The following ZNF140 variants were observed in gnomAD, a reference collection of about 807,000 sequenced individuals.
ZNF140 encodes zinc finger protein 140.
In ZNF140, 13 loss-of-function variants were observed where a neutral mutation model predicts 12.9. That is an observed-to-expected ratio of 1.01 (90% CI 0.66 to 1.60). The LOEUF (loss-of-function observed/expected upper bound fraction) is 1.60. Ranked by LOEUF, ZNF140 falls within the 40% of genes most tolerant of loss-of-function variation. ZNF140 has a pLI of 0.00. For synonymous variants in ZNF140, 214 were observed against 186.7 expected, an observed-to-expected ratio of 1.15 and a Z score of -1.19; for missense variants, 531 against 548.8, an observed-to-expected ratio of 0.97 and a Z score of 0.32.
intron 4 of ZNF140, among the ~76,000 whole-genome samples, chr12:133,088,842 G>A (rs891609732): frequency 6.6e-6 from 1 of 152,184 alleles, no homozygotes; most frequent in African/African-American, 2.4e-5. Flanking sequence ...GCCTGTTGAT[G>A]TGATGGATTA....
In ZNF140 at chr12:133,106,907, A is replaced by G. The variant is rs1369704330; in HGVS notation, c.*256A>G. On this transcript the variant is annotated 3_prime_UTR_variant, in exon 5 of 5. Transcript: ENST00000355557. ...GTTGAGAAGATTCTTCCATCTGGTA[A>G]TGTTGAGAAGACTTCATTTGGTAGG... is the stretch of plus-strand genomic sequence containing the variant. 3.3e-6 allele frequency: 1 copy of G among 304,340 alleles called. No individual in the cohort carries two copies. The highest frequency in any genetic ancestry group is 2.2e-5 in the African/African-American group (1 of 45,746). The allele number at this position is 304,340 out of a possible 1,614,324, so 18.9% of individuals were successfully genotyped here.
chr12:133,098,285 G>A (rs1201650216), intron 4 of ZNF140, among the ~76,000 whole-genome samples: 9 of 152,238 alleles, frequency 5.9e-5, no homozygotes, highest in African/African-American at 2.2e-4. Flanking sequence ...CACCCAGGCT[G>A]GAATGCAGTG....
intron 2 of ZNF140, 43 bp downstream of exon 2, chr12:133,081,372 A>ATAT (rs1954490088): frequency 4.7e-4 from 51 of 108,492 alleles, no homozygotes; most frequent in East Asian, 1.1e-3. Flanking sequence ...TATATATATA[A>ATAT]ATTTTTATTT....
intron 4 of ZNF140, among the ~76,000 whole-genome samples, chr12:133,094,506 A>G (rs1237902495): frequency 6.6e-6 from 1 of 151,250 alleles, no homozygotes; most frequent in East Asian, 1.9e-4. Context: ...ATCAGTTAGC[A>G]TGCACCATCT....
chr12:133,093,001 G>A (rs899330277), intron 4 of ZNF140, among the ~76,000 whole-genome samples: 7 of 150,974 alleles, frequency 4.6e-5, no homozygotes, highest in African/African-American at 9.8e-5. Context: ...TTTGTGACCC[G>A]ATTGACATTC....
At chr12:133,087,926 T>C (rs1364204014) in intron 4 of ZNF140, among the ~76,000 whole-genome samples, 2 of 151,472 alleles carry the variant, frequency 1.3e-5, no homozygotes, top group Non-Finnish European at 2.9e-5. Context: ...AGGTCAGGAG[T>C]TCAAGACCAG....
rs750446685 is a variant in ZNF140, at chr12:133,106,404, C to G, written c.1127C>G (p.Thr376Arg). ...TGGCATGCATCCCTTATTCAACATA[C>G]GAAGAGTCACACTGGAGAGAAACCC... ...FTWHASLIQHTKSHTGEKPYA... is the reference protein window; with the variant it reads ...FTWHASLIQHRKSHTGEKPYA... Residue 376 changes from threonine to arginine, a missense_variant, in exon 5 of 5, where the codon ACG becomes AGG. Transcript: ENST00000355557. 2 of 1,613,936 alleles carry G rather than the reference C, an allele frequency of 1.2e-6. No homozygotes were observed. Among genetic ancestry groups the G allele is most frequent in the Admixed American group, 1.7e-5 (1 of 60,000 alleles).
chr12:133,090,659 C>T (rs1216899222), intron 4 of ZNF140, among the ~76,000 whole-genome samples: 3 of 110,468 alleles, frequency 2.7e-5, no homozygotes, highest in Non-Finnish European at 6.1e-5. Context: ...AGGGGACCAG[C>T]ACTCAGCATA....
chr12:133,099,056 A>G (rs1046210821), intron 4 of ZNF140, among the ~76,000 whole-genome samples: 5 of 152,112 alleles, frequency 3.3e-5, no homozygotes, highest in African/African-American at 1.2e-4. Context: ...TTGTATATTT[A>G]GTAGAGACGG....
At chr12:133,105,062 C>T (rs1454449740) in intron 4 of ZNF140, among the ~76,000 whole-genome samples, 1 of 151,316 alleles carries the variant, frequency 6.6e-6, no homozygotes, top group Non-Finnish European at 1.5e-5. Flanking sequence ...AGAGAAACCG[C>T]TTTTTTTTTC....
Position 133,105,610 on chromosome 12 carries a change from C to T in ZNF140, c.333C>T (p.Gly111=). The change falls in exon 5 of 5, where the codon GGC becomes GGT. Residue 111 remains glycine (G), a synonymous_variant. Transcript: ENST00000355557. ...YLIMERILSQ[G]PVYSSFKGGW... is the part of the protein sequence containing the mutation. Reference sequence around the variant, plus strand: ...TCATGGAAAGAATTCTAAGTCAAGGCCCTGTGTATTCCAGTTTTAAAGGAG... The same window carrying T: ...TCATGGAAAGAATTCTAAGTCAAGGTCCTGTGTATTCCAGTTTTAAAGGAG... The T allele has an allele frequency of 6.2e-7, 1 of 1,614,092 alleles. No individual in the cohort carries two copies. Among genetic ancestry groups the T allele is most frequent in the Middle Eastern group, 1.6e-4 (1 of 6,062 alleles).
At chr12:133,103,434 T>A (rs1955437321) in intron 4 of ZNF140, among the ~76,000 whole-genome samples, 1 of 149,246 alleles carries the variant, frequency 6.7e-6, no homozygotes, top group African/African-American at 2.6e-5. Flanking sequence ...TTTAATTTTT[T>A]TTTTTTTTTT....
chr12:133,096,271 C>T (rs1955122654), intron 4 of ZNF140, among the ~76,000 whole-genome samples: 1 of 152,090 alleles, frequency 6.6e-6, no homozygotes. Context: ...ACGTCCTGCA[C>T]AGCCCTAGAT....
chr12:133,081,437 A>AT (rs1954499666), intron 2 of ZNF140, 108 bp downstream of exon 2: 1 of 397,704 alleles, frequency 2.5e-6, no homozygotes, highest in Admixed American at 2.9e-5. Flanking sequence ...TGGAGCGATC[A>AT]TAGCATCCTG....
intron 4 of ZNF140, among the ~76,000 whole-genome samples, chr12:133,089,169 G>A (rs1480307741): frequency 6.6e-6 from 1 of 152,056 alleles, no homozygotes; most frequent in Admixed American, 6.6e-5. Flanking sequence ...GAATTTACCA[G>A]TGAATCCTGA....
intron 4 of ZNF140, among the ~76,000 whole-genome samples, chr12:133,090,050 T>C (rs996853045): frequency 2.0e-5 from 3 of 152,066 alleles, no homozygotes; most frequent in Non-Finnish European, 2.9e-5. Flanking sequence ...GGTCTCATCA[T>C]GTTGGCCAGG....
At chr12:133,104,015 TA>T (rs1404933129) in intron 4 of ZNF140, among the ~76,000 whole-genome samples, 1 of 152,244 alleles carries the variant, frequency 6.6e-6, no homozygotes, top group Non-Finnish European at 1.5e-5. Flanking sequence ...ATTATTGAGA[TA>T]TGAATTAAAT....
Position 133,106,405 on chromosome 12 carries a change from G to A in ZNF140, c.1128G>A (p.Thr376=), listed in dbSNP as rs779753365. 39 of 1,613,988 alleles carry A rather than the reference G, an allele frequency of 2.4e-5. No individual in the cohort carries two copies. In the Admixed American group the frequency reaches 3.3e-4, roughly 14 times the overall value. ...GGCATGCATCCCTTATTCAACATAC[G>A]AAGAGTCACACTGGAGAGAAACCCT... ...FTWHASLIQH[T]KSHTGEKPYA... The change falls in exon 5 of 5, where the codon ACG becomes ACA. Residue 376 remains threonine (T), a synonymous_variant. Coordinates refer to ENST00000355557, the MANE Select transcript of ZNF140 (RefSeq NM_003440.4).
chr12:133,099,867 A>G (rs1031665268), intron 4 of ZNF140, among the ~76,000 whole-genome samples: 11 of 152,078 alleles, frequency 7.2e-5, no homozygotes, highest in Admixed American at 2.0e-4. Context: ...TTATTTTTCT[A>G]AGAGAGTAAT....
Sources: allele counts gnomAD v4.1 joint callset (sites outside exome capture counted in the v4.1 genomes callset), GRCh38; gene constraint gnomAD v4.1.1; transcripts MANE v1.5; gene names NCBI Gene and HGNC (gene_info 2026-07-23, HGNC 2026-07-21).